Variants in IQSEC1 observed in about 807,000 individuals in gnomAD.
IQSEC1 encodes the protein IQ motif and SEC7 domain-containing protein 1.
In IQSEC1, 31 loss-of-function variants were observed where a neutral mutation model predicts 91.0. The observed-to-expected ratio is 0.34, with a 90% CI of 0.26 to 0.46. The LOEUF is 0.46. Ranked by LOEUF, IQSEC1 falls within the 20% of genes least tolerant of loss-of-function variation. The pLI is 1.00. For missense variants in IQSEC1, 1,388 were observed against 1,575.6 expected, an observed-to-expected ratio of 0.88 and a Z score of 2.02; for synonymous variants, 699 against 662.6, an observed-to-expected ratio of 1.05 and a Z score of -0.84.
chr3:12,967,897 G>T lies in IQSEC1; in HGVS notation c.24-26032C>A, dbSNP rs1403794003. On this transcript the variant is annotated intron_variant, in intron 1 of 13. Transcript: ENST00000613206. The surrounding 1 kb of genome is among the most constrained non-coding windows in gnomAD (Gnocchi z 5.9). ...CGCGGAAGAAGCACAGGGGGCGGGG[G>T]GTCAGGGGCGGGGCGTCAGGGGCGG... is the stretch of plus-strand genomic sequence containing the variant. Among the ~76,000 whole-genome samples the T allele has an allele frequency of 1.7e-4, 25 of 145,976 alleles. No individual in the cohort carries two copies. In the East Asian group the frequency reaches 4.9e-3, roughly 29 times the overall value.
At chr3:12,933,339 C>A (rs1000094324) in intron 3 of IQSEC1, among the ~76,000 whole-genome samples, 7 of 152,214 alleles carry the variant, frequency 4.6e-5, no homozygotes, top group Non-Finnish European at 7.3e-5. Flanking sequence ...AAGCAACTGG[C>A]CAAATAACCT....
chr3:13,175,185 A>G (rs1368248362), intron 1 of IQSEC1, among the ~76,000 whole-genome samples: 2 of 152,178 alleles, frequency 1.3e-5, no homozygotes, highest in Non-Finnish European at 2.9e-5. Context: ...CGTGATGGCA[A>G]GGTACCAGCT....
At chr3:12,964,664 C>A (rs1700449058) in intron 1 of IQSEC1, among the ~76,000 whole-genome samples, 1 of 152,172 alleles carries the variant, frequency 6.6e-6, no homozygotes, top group Admixed American at 6.5e-5. Context: ...TGGTAACTTG[C>A]ATACACTCAC....
rs78305428 is a variant in IQSEC1 at position 13,227,735 on chromosome 3, C to T, written c.272+54976G>A. ...AGGGGCAGATTCCGAAGGGGTCCACCGTCATTCACTAGTGGCTGACAGGGG... is the reference window on the plus strand; with the variant it reads ...AGGGGCAGATTCCGAAGGGGTCCACTGTCATTCACTAGTGGCTGACAGGGG... On this transcript the variant is annotated intron_variant, in intron 1 of 15. Coordinates refer to the IQSEC1 transcript ENST00000648114. Among the ~76,000 whole-genome samples, 597 of 152,216 alleles carry T rather than the reference C, an allele frequency of 3.9e-3. 1 individual carries two copies. The highest frequency in any genetic ancestry group is 6.2e-3 in the Non-Finnish European group (424 of 68,012).
chr3:12,958,758 G>A (rs1007825754), intron 1 of IQSEC1, among the ~76,000 whole-genome samples: 2 of 152,226 alleles, frequency 1.3e-5, no homozygotes, highest in African/African-American at 4.8e-5. Flanking sequence ...AGCCAACTAA[G>A]CTGGGTTGGG....
intron 12 of IQSEC1, among the ~76,000 whole-genome samples, chr3:12,904,711 A>AC (rs1694779198): frequency 6.6e-6 from 1 of 152,074 alleles, no homozygotes; most frequent in African/African-American, 2.4e-5. Context: ...TCTCTAGCCT[A>AC]CCCCTAACGC....
intron 2 of IQSEC1, among the ~76,000 whole-genome samples, chr3:13,114,737 G>A (rs1293891367): frequency 2.7e-5 from 4 of 150,476 alleles, no homozygotes; most frequent in Non-Finnish European, 5.9e-5. Flanking sequence ...AGGTCGCAGT[G>A]GACCAAGATC....
chr3:13,234,279 C>T (rs1313884298), intron 1 of IQSEC1, among the ~76,000 whole-genome samples: 8 of 147,632 alleles, frequency 5.4e-5, no homozygotes, highest in East Asian at 2.0e-4. Context: ...TGTGAGTCCC[C>T]GTGTCTGTGC....
intron 1 of IQSEC1, among the ~76,000 whole-genome samples, chr3:13,191,477 A>ATTTTTTTTTTTTTTTTTTTTTTTTT (rs57912681): frequency 3.3e-5 from 3 of 92,102 alleles, no homozygotes; most frequent in Non-Finnish European, 5.9e-5. Context: ...CACCCAGCTA[A>ATTTTTTTTTTTTTTTTTTTTTTTTT]TTTTTTTTTT....
chr3:13,251,178 G>C (rs566260624), intron 1 of IQSEC1, among the ~76,000 whole-genome samples: 1 of 152,196 alleles, frequency 6.6e-6, no homozygotes, highest in African/African-American at 2.4e-5. Context: ...TCCCAGATGT[G>C]TACACAGCTC....
At chr3:13,029,249 T>C (rs1703748411) in intron 1 of IQSEC1, among the ~76,000 whole-genome samples, 1 of 152,218 alleles carries the variant, frequency 6.6e-6, no homozygotes, top group South Asian at 2.1e-4. Flanking sequence ...CACTGCTCTA[T>C]GTGTGACTAA....
intron 1 of IQSEC1, among the ~76,000 whole-genome samples, chr3:13,064,045 C>T (rs1016108721): frequency 6.6e-6 from 1 of 151,620 alleles, no homozygotes; most frequent in African/African-American, 2.4e-5. Context: ...ATCTTATATA[C>T]ATCGTTTCCC....
intron 2 of IQSEC1, among the ~76,000 whole-genome samples, chr3:13,120,695 CG>C: frequency 6.6e-6 from 1 of 152,322 alleles, no homozygotes; most frequent in South Asian, 2.1e-4. Context: ...CGAGCAACGA[CG>C]GGCTGGCCAG....
At chr3:13,100,823 G>A (rs1706044852) in intron 2 of IQSEC1, among the ~76,000 whole-genome samples, 1 of 148,836 alleles carries the variant, frequency 6.7e-6, no homozygotes, top group African/African-American at 2.5e-5. Context: ...CCACAGCGTC[G>A]GGGGGACCGA....
At chr3:12,998,544 A>G (rs1414399912) in intron 1 of IQSEC1, among the ~76,000 whole-genome samples, 1 of 152,182 alleles carries the variant, frequency 6.6e-6, no homozygotes, top group Non-Finnish European at 1.5e-5. Flanking sequence ...CCAGCTGCTC[A>G]GGACGATGAA....
chr3:13,264,403 C>T (rs1051750353), intron 1 of IQSEC1, among the ~76,000 whole-genome samples: 1 of 152,174 alleles, frequency 6.6e-6, no homozygotes, highest in Non-Finnish European at 1.5e-5. Flanking sequence ...AAACACGCCC[C>T]GCTGCCTGCT....
intron 2 of IQSEC1, among the ~76,000 whole-genome samples, chr3:13,105,471 C>T (rs1403241536): frequency 6.6e-6 from 1 of 152,176 alleles, no homozygotes; most frequent in African/African-American, 2.4e-5. Context: ...GAACCTCTGG[C>T]TTTGAGAAAA....
chr3:12,976,383 G>A (rs1427971025), intron 1 of IQSEC1, among the ~76,000 whole-genome samples: 2 of 152,166 alleles, frequency 1.3e-5, no homozygotes, highest in Non-Finnish European at 2.9e-5. Context: ...GGCTGCCTGC[G>A]CCTCACCATT....
At position 13,069,062 on chromosome 3, in the gene IQSEC1, C is replaced by G. The variant is rs1705328536; in HGVS notation, c.23+3930G>C. 3.9e-5 allele frequency among the ~76,000 whole-genome samples: 6 copies of G among 152,242 alleles called. No homozygotes were observed. In the South Asian group the frequency reaches 1.0e-3, roughly 26 times the overall value. ...TATCCCAGTCTTTCTGAGTTATAAC[C>G]AGGACCTGCCCAGTGGCTTCCTGGG... is the stretch of plus-strand genomic sequence containing the variant. On this transcript the variant is annotated intron_variant, in intron 1 of 13. Transcript: ENST00000613206.
Sources: allele counts gnomAD v4.1 joint callset (sites outside exome capture counted in the v4.1 genomes callset), GRCh38; gene constraint gnomAD v4.1.1; non-coding constraint Gnocchi (gnomAD v3.1); transcripts MANE v1.5; gene names NCBI Gene and HGNC (gene_info 2026-07-23, HGNC 2026-07-21).